The following MYO7B variants were observed in gnomAD, a reference collection of about 807,000 sequenced individuals.
The protein encoded by MYO7B is unconventional myosin-VIIb.
In MYO7B, 212 loss-of-function variants were observed where a neutral mutation model predicts 259.7. That is an observed-to-expected ratio of 0.82 (90% CI 0.73 to 0.91). The LOEUF (loss-of-function observed/expected upper bound fraction) is 0.91, where lower values mean the gene tolerates loss of function less well. Among genes scored for constraint, MYO7B ranks in the 40% least tolerant of loss-of-function variants. The pLI, the probability that MYO7B is intolerant of heterozygous loss-of-function variation, is 0.00. For synonymous variants in MYO7B, 1,197 were observed against 1,166.4 expected, an observed-to-expected ratio of 1.03 and a Z score of -0.54; for missense variants, 2,732 against 2,813.5, an observed-to-expected ratio of 0.97 and a Z score of 0.66.
intron 1 of MYO7B, among the ~76,000 whole-genome samples, chr2:127,550,464 G>A (rs1276635747): frequency 1.3e-5 from 2 of 152,020 alleles, no homozygotes; most frequent in Non-Finnish European, 2.9e-5. Flanking sequence ...TATTCAGGAG[G>A]CTGAGGATCC....
intron 38 of MYO7B, 42 bp from the exon 39 acceptor site, chr2:127,632,204 C>T (rs1280736206): frequency 1.9e-6 from 3 of 1,590,034 alleles, no homozygotes; most frequent in Non-Finnish European, 2.6e-6. Flanking sequence ...TGGCCAGGGC[C>T]CCCTGAGGGG....
chr2:127,570,516 C>T (rs566814667), intron 6 of MYO7B, among the ~76,000 whole-genome samples: 6 of 152,322 alleles, frequency 3.9e-5, no homozygotes, highest in African/African-American at 1.4e-4. Flanking sequence ...TCAGTCTAGT[C>T]GGGGCTGCCC....
chr2:127,609,781 C>G lies in MYO7B; in HGVS notation c.3024+66C>G. The G allele has an allele frequency of 6.2e-7, 1 of 1,611,138 alleles. No individual in the cohort carries two copies. The highest frequency in any genetic ancestry group is 8.5e-7 in the Non-Finnish European group (1 of 1,177,636). ...CGAGCCTGGGGTGTGAGCTATGGCTCGGGGAAAGAAGGAAGGGGCCATAGT... is the reference window on the plus strand; with the variant it reads ...CGAGCCTGGGGTGTGAGCTATGGCTGGGGGAAAGAAGGAAGGGGCCATAGT... On this transcript the variant is annotated intron_variant, in intron 23 of 47. Transcript: ENST00000409816. The surrounding 1 kb of genome is among the most constrained non-coding windows in gnomAD (Gnocchi z 6.9).
At chr2:127,603,873 C>CAT (rs1680056677) in intron 19 of MYO7B, among the ~76,000 whole-genome samples, 1 of 152,212 alleles carries the variant, frequency 6.6e-6, no homozygotes, top group Non-Finnish European at 1.5e-5. Flanking sequence ...GTGGCTCATG[C>CAT]CTGTAATCCC....
rs1299793720 is a variant in MYO7B, at chr2:127,625,454, G to A, written c.4134G>A (p.Leu1378=). 6.2e-7 allele frequency: 1 copy of A among 1,612,378 alleles called. No individual in the cohort carries two copies. Among genetic ancestry groups the A allele is most frequent in the Non-Finnish European group, 8.5e-7 (1 of 1,179,670 alleles). The change falls in exon 31 of 48, where the codon CTG becomes CTA. Residue 1378 remains leucine, a synonymous_variant. Transcript: ENST00000409816. ...AGAGCAAGGCTGTCCAGGAGCTGCT[G>A]CCCAGCTGCATCCCCCACAAGCTGT... ...SAESKAVQEL[L]PSCIPHKLYR... is the part of the protein sequence containing the mutation.
In MYO7B at chr2:127,630,772, C is replaced by G; in HGVS notation, c.4807-6C>G. On this transcript the variant is annotated splice_region_variant and splice_polypyrimidine_tract_variant and intron_variant, in intron 35 of 47. Transcript: ENST00000409816. ...CTGGGCACCCACAGGCCTGTGCCCC[C>G]TTCAGAGCTTGCTTGCCATGTCACC... The G allele has an allele frequency of 6.2e-7, 1 of 1,612,700 alleles. No homozygotes were observed. The highest frequency in any genetic ancestry group is 8.5e-7 in the Non-Finnish European group (1 of 1,179,774).
chr2:127,612,430 A>G, intron 25 of MYO7B, 46 bp from the exon 26 acceptor site: 1 of 1,550,680 alleles, frequency 6.4e-7, no homozygotes, highest in Non-Finnish European at 8.7e-7. Flanking sequence ...TACTTGGCAG[A>G]TGGGGAGAAT....
At chr2:127,630,581 A>C (rs573313264) in intron 35 of MYO7B, among the ~76,000 whole-genome samples, 197 bp from the exon 36 acceptor site, 1 of 152,144 alleles carries the variant, frequency 6.6e-6, no homozygotes, top group African/African-American at 2.4e-5. Context: ...TCCCAAGGGA[A>C]AGGAGACAGG....
intron 6 of MYO7B, 67 bp from the exon 7 acceptor site, chr2:127,573,853 A>G (rs957010625): frequency 2.5e-6 from 4 of 1,593,886 alleles, no homozygotes; most frequent in Non-Finnish European, 3.4e-6. Context: ...GCCCTCTTAC[A>G]TGATCCCACT....
At chr2:127,593,371 T>TC (rs142944966) in intron 17 of MYO7B, among the ~76,000 whole-genome samples, 175 bp from the exon 18 acceptor site, 2,678 of 152,108 alleles carry the variant, frequency 0.018, 83 homozygotes, top group African/African-American at 0.061. Context: ...GGCCCCGAGT[T>TC]CCCTCCTCAC....
rs919180521 is a variant in MYO7B, at chr2:127,577,165, C to T, written c.849+457C>T. On this transcript the variant is annotated intron_variant, in intron 8 of 47. Coordinates refer to ENST00000409816, the MANE Select transcript of MYO7B (RefSeq NM_001393586.1). This position sits in a 1 kb window ranked among gnomAD's most constrained non-coding sequence, Gnocchi z 5.2. ...GGACAGGGCGGCACCACAGCCATCG[C>T]TCATTAGCTGAGGCTCCCTGGCCCT... Among the ~76,000 whole-genome samples, 2 of 152,204 alleles carry T rather than the reference C, an allele frequency of 1.3e-5. No homozygotes were observed. Among genetic ancestry groups the T allele is most frequent in the Non-Finnish European group, 2.9e-5 (2 of 68,034 alleles).
rs1481249427 is a variant in MYO7B, at chr2:127,546,948, T to TCATC, written c.-24+11132_-24+11135dup. On this transcript the variant is annotated intron_variant, in intron 1 of 47. Coordinates refer to ENST00000409816, the MANE Select transcript of MYO7B (RefSeq NM_001393586.1). This position sits in a 1 kb window ranked among gnomAD's most constrained non-coding sequence, Gnocchi z 4.2. The stretch of plus-strand genomic sequence containing the variant: ...CCCACTCATTCAACCACTAATCGAC[T>TCATC]CATCCATCCATCCATCCACCAATCT... Among the ~76,000 whole-genome samples, 3 of 150,634 alleles carry TCATC rather than the reference T, an allele frequency of 2.0e-5. No individual in the cohort carries two copies. Among genetic ancestry groups the TCATC allele is most frequent in the Non-Finnish European group, 4.4e-5 (3 of 67,658 alleles).
intron 2 of MYO7B, among the ~76,000 whole-genome samples, chr2:127,562,150 G>A (rs960240446): frequency 6.6e-6 from 1 of 152,042 alleles, no homozygotes; most frequent in Admixed American, 6.6e-5. Flanking sequence ...CTCCTTGAAG[G>A]CCTTATCTGC....
intron 9 of MYO7B, among the ~76,000 whole-genome samples, chr2:127,579,115 C>T (rs931383874): frequency 6.6e-6 from 1 of 151,846 alleles, no homozygotes; most frequent in Non-Finnish European, 1.5e-5. Context: ...AAACTGAGTA[C>T]AGCATGGAGA....
chr2:127,584,351 C>G lies in MYO7B; in HGVS notation c.1554+19C>G. On this transcript the variant is annotated intron_variant, in intron 13 of 47. Coordinates refer to ENST00000409816, the MANE Select transcript of MYO7B (RefSeq NM_001393586.1). This position sits in a 1 kb window ranked among gnomAD's most constrained non-coding sequence, Gnocchi z 5.8. ...CCCGCAGGTGTGTGTTCGGGCCTGC[C>G]GACCTTCTGGTGGAGGCCCTGCTAT... 1.2e-6 allele frequency: 2 copies of G among 1,611,836 alleles called. No homozygotes were observed. Among genetic ancestry groups the G allele is most frequent in the Non-Finnish European group, 1.7e-6 (2 of 1,178,198 alleles).
At chr2:127,536,287 A>G (rs540470344) in intron 1 of MYO7B, among the ~76,000 whole-genome samples, 1 of 152,180 alleles carries the variant, frequency 6.6e-6, no homozygotes, top group Non-Finnish European at 1.5e-5. Context: ...AATTGCCTCC[A>G]TTTTATGGAC....
At chr2:127,560,289 A>C (rs763925074) in intron 2 of MYO7B, among the ~76,000 whole-genome samples, 1 of 152,106 alleles carries the variant, frequency 6.6e-6, no homozygotes, top group Non-Finnish European at 1.5e-5. Flanking sequence ...GGCCTCCCAA[A>C]GTGCTGGGTG....
intron 2 of MYO7B, among the ~76,000 whole-genome samples, chr2:127,562,635 T>G (rs7573623): frequency 0.84 from 127,393 of 151,936 alleles, 53,761 homozygotes; most frequent in East Asian, 1. Flanking sequence ...CTACAGGTGC[T>G]TGCCACCACA....
intron 27 of MYO7B, 138 bp from the exon 28 acceptor site, chr2:127,621,844 C>A: frequency 7.8e-7 from 1 of 1,275,374 alleles, no homozygotes; most frequent in Non-Finnish European, 1.1e-6. Flanking sequence ...GATCCATGTT[C>A]CTTCTAACGG....
Sources: gnomAD v4.1 joint callset for allele counts (sites outside exome capture counted in the v4.1 genomes callset) on GRCh38, gnomAD v4.1.1 for gene constraint, Gnocchi (gnomAD v3.1) non-coding constraint, MANE v1.5 for transcripts, NCBI Gene and HGNC (gene_info 2026-07-23, HGNC 2026-07-21) for gene names.